The following USP8 variants were observed in gnomAD, a reference collection of about 807,000 sequenced individuals.
USP8 encodes ubiquitin carboxyl-terminal hydrolase 8.
A neutral mutation model predicts 130.0 loss-of-function variants in USP8; 27 were observed. That is an observed-to-expected ratio of 0.21 (90% confidence interval 0.15 to 0.29). The LOEUF is 0.29. USP8 is among the 10% of genes least tolerant of loss of function. The probability of loss-of-function intolerance (pLI) is 1.00; values close to 1 mark genes in which losing one functional copy is unlikely to be tolerated. For missense variants in USP8, 1,029 were observed against 1,312.2 expected (o/e 0.78, Z 3.33); for synonymous variants, 392 against 444.1 (o/e 0.88, Z 1.48).
chr15:50,445,975 T>C (rs956347290), intron 3 of USP8, among the ~76,000 whole-genome samples: 9 of 152,234 alleles, frequency 5.9e-5, no homozygotes, highest in African/African-American at 2.2e-4. Context: ...AATAATTCTT[T>C]CAGGGTTATC....
At chr15:50,487,166 C>T (rs1031771091) in intron 12 of USP8, among the ~76,000 whole-genome samples, 1 of 151,782 alleles carries the variant, frequency 6.6e-6, no homozygotes, top group Admixed American at 6.6e-5. Context: ...CAAATATCAC[C>T]TGTACCCCAA....
intron 1 of USP8, among the ~76,000 whole-genome samples, chr15:50,437,592 C>T (rs976977867): frequency 2.6e-5 from 4 of 152,146 alleles, no homozygotes; most frequent in South Asian, 4.1e-4. Context: ...CTGTTTAACA[C>T]GAGGCCTACT....
rs2050235735 is a variant in USP8 at position 50,440,936 on chromosome 15, A to G, written c.105-413A>G. On this transcript the variant is annotated intron_variant, in intron 2 of 19. Transcript: ENST00000307179. ...AGAATCACTTGAATCCGGGAGGCAG[A>G]GGTTGCAGTGAGCCAAGATAGCCCA... is the stretch of plus-strand genomic sequence containing the variant. Among the ~76,000 whole-genome samples the G allele has an allele frequency of 2.0e-5, 3 of 151,774 alleles. No individual in the cohort carries two copies. The South Asian group carries it at 6.2e-4, about 32-fold the overall frequency.
At chr15:50,493,414 C>G in intron 15 of USP8, 1 of 519,062 alleles carries the variant, frequency 1.9e-6, no homozygotes, top group South Asian at 1.4e-5. Context: ...TACCACTCAG[C>G]TCCAGAAAAG....
At chr15:50,462,222 A>T in intron 5 of USP8, 58 bp from the exon 6 acceptor site, 1 of 1,475,060 alleles carries the variant, frequency 6.8e-7, no homozygotes, top group Non-Finnish European at 9.3e-7. Context: ...ATGAAGTATT[A>T]AAGTTGAATT....
Position 50,465,106 on chromosome 15 carries a change from A to G in USP8, c.601A>G (p.Ile201Val), listed in dbSNP as rs1334052082. Residue 201 changes from isoleucine to valine, a missense_variant, in exon 7 of 20, where the codon ATA (isoleucine) becomes GTA (valine). This residue lies in a region of USP8 where 281 missense variants were observed against 336.7 expected (regional missense o/e 0.83). Coordinates refer to ENST00000307179, the MANE Select transcript of USP8 (RefSeq NM_005154.5). ...MMTDKNISLI[I>V]MDARRMQDYQ... ...GACGGATAAAAACATCAGCTTGATT[A>G]TAATGGATGCTCGAAGAATGCAGGA... 1.2e-6 allele frequency: 2 copies of G among 1,614,144 alleles called. No individual in the cohort carries two copies. The highest frequency in any genetic ancestry group is 1.7e-6 in the Non-Finnish European group (2 of 1,180,000).
intron 3 of USP8, among the ~76,000 whole-genome samples, chr15:50,443,909 T>G (rs903037246): frequency 6.6e-6 from 1 of 152,180 alleles, no homozygotes; most frequent in African/African-American, 2.4e-5. Context: ...TGGCCATACT[T>G]ATCTGCAGGT....
intron 3 of USP8, among the ~76,000 whole-genome samples, chr15:50,443,619 G>C (rs1030488710): frequency 1.1e-4 from 17 of 152,024 alleles, no homozygotes; most frequent in African/African-American, 4.1e-4. Context: ...GAGTAGCTGG[G>C]ACTACAGGTG....
At chr15:50,430,298 G>A (rs551097662) in intron 1 of USP8, among the ~76,000 whole-genome samples, 3 of 152,274 alleles carry the variant, frequency 2.0e-5, no homozygotes, top group African/African-American at 7.2e-5. Context: ...GGTGAGCCGA[G>A]ATTGCGCCAC....
At chr15:50,480,542 G>A (rs1272427570) in intron 10 of USP8, among the ~76,000 whole-genome samples, 1 of 152,170 alleles carries the variant, frequency 6.6e-6, no homozygotes, top group African/African-American at 2.4e-5. Flanking sequence ...TTTTCAGAGG[G>A]AGAGATGTGT....
In USP8 at chr15:50,499,709, G is replaced by C. The variant is rs1019194526; in HGVS notation, c.*621G>C. On this transcript the variant is annotated 3_prime_UTR_variant, in exon 20 of 20. Transcript: ENST00000307179. Reference sequence around the variant, plus strand: ...AATCTTTATTCTAAAAAAAAAAATGGAAACTTTAATTTTTTTAAAACGAGA... The same window carrying C: ...AATCTTTATTCTAAAAAAAAAAATGCAAACTTTAATTTTTTTAAAACGAGA... 3 of 151,918 alleles carry C rather than the reference G, an allele frequency of 2.0e-5. No homozygotes were observed. The highest frequency in any genetic ancestry group is 1.3e-4 in the Admixed American group (2 of 15,248). 9.4% of individuals were successfully genotyped at this position (151,918 alleles called of 1,614,324 possible).
chr15:50,424,521 G>T lies in USP8; in HGVS notation c.-66+7G>T, dbSNP rs2049631828. On this transcript the variant is annotated splice_region_variant and intron_variant, in intron 1 of 19. Transcript: ENST00000307179. ...AAGCGCGCCCGGCGTCACGGTGAGT[G>T]CGGGTCTTGGGCCCTAGCACCTGTT... is the stretch of plus-strand genomic sequence containing the variant. 2 of 398,726 alleles carry T rather than the reference G, an allele frequency of 5.0e-6. No individual in the cohort carries two copies. Among genetic ancestry groups the T allele is most frequent in the Non-Finnish European group, 8.8e-6 (2 of 226,110 alleles). The allele number at this position is 398,726 out of a possible 1,614,324, so 24.7% of individuals were successfully genotyped here.
intron 16 of USP8, among the ~76,000 whole-genome samples, chr15:50,495,626 T>C (rs2141326252): frequency 6.6e-6 from 1 of 152,172 alleles, no homozygotes; most frequent in Admixed American, 6.5e-5. Context: ...AAATAAAAAT[T>C]TGGGAAATTT....
intron 1 of USP8, among the ~76,000 whole-genome samples, chr15:50,425,166 C>G (rs1042370740): frequency 6.6e-6 from 1 of 152,154 alleles, no homozygotes; most frequent in Non-Finnish European, 1.5e-5. Context: ...ATTCTGTGAC[C>G]TTGAACAAGT....
intron 17 of USP8, 52 bp from the exon 18 acceptor site, chr15:50,497,037 A>G (rs2052442394): frequency 6.4e-7 from 1 of 1,555,062 alleles, no homozygotes; most frequent in Admixed American, 2.0e-5. Context: ...GCTCTCTGAC[A>G]TTATTGAAGA....
chr15:50,436,323 A>C (rs189854851), intron 1 of USP8, among the ~76,000 whole-genome samples: 35 of 147,264 alleles, frequency 2.4e-4, no homozygotes, highest in African/African-American at 7.8e-4. Flanking sequence ...CCAAGACTCA[A>C]ATCAAATGTT....
At position 50,513,550 on chromosome 15, in the gene USP8, C is replaced by CAAG. The variant is rs1034603966; in HGVS notation, c.*14463_*14465dup. ...AAAAAAAAAAAAAAGAGTGAAGAAT[C>CAAG]AAGCCACAGAAGGTAATTTAAAAAT... On this transcript the variant is annotated 3_prime_UTR_variant, in exon 20 of 20. Coordinates refer to ENST00000307179, the MANE Select transcript of USP8 (RefSeq NM_005154.5). 1.9e-4 allele frequency: 27 copies of CAAG among 140,102 alleles called. No individual in the cohort carries two copies. Among genetic ancestry groups the CAAG allele is most frequent in the Non-Finnish European group, 3.5e-4 (23 of 65,096 alleles). 8.7% of individuals were successfully genotyped at this position (140,102 alleles called of 1,614,324 possible). A position where few individuals can be genotyped will look rare whatever the true frequency, so the allele number is the denominator to read the frequency against.
At chr15:50,427,337 C>T (rs1469285185) in intron 1 of USP8, among the ~76,000 whole-genome samples, 1 of 151,974 alleles carries the variant, frequency 6.6e-6, no homozygotes, top group Non-Finnish European at 1.5e-5. Context: ...CTATGGTCAC[C>T]CTATAGAAGC....
Position 50,492,729 on chromosome 15 carries a change from T to G in USP8, c.2263T>G (p.Ser755Ala), listed in dbSNP as rs2052224254. 1 of 1,614,060 alleles carries G rather than the reference T, an allele frequency of 6.2e-7. No individual in the cohort carries two copies. Among genetic ancestry groups the G allele is most frequent in the African/African-American group, 1.3e-5 (1 of 75,066 alleles). ...KPTCYPKAEI[S>A]RLSASQIRNL... Reference sequence around the variant, plus strand: ...AACATGTTATCCTAAAGCTGAGATCTCAAGGCTTTCTGCTTCTCAGATTCG... The same window carrying G: ...AACATGTTATCCTAAAGCTGAGATCGCAAGGCTTTCTGCTTCTCAGATTCG... The change falls in exon 15 of 20, where the codon TCA becomes GCA. Residue 755 changes from serine to alanine, a missense_variant. Transcript: ENST00000307179.
Sources: allele counts gnomAD v4.1 joint callset (sites outside exome capture counted in the v4.1 genomes callset), GRCh38; gene constraint gnomAD v4.1.1; regional missense constraint gnomAD v4.1.1; transcripts MANE v1.5; gene names NCBI Gene and HGNC (gene_info 2026-07-23, HGNC 2026-07-21).